The following IGF1 variants were observed in gnomAD, a reference collection of about 807,000 sequenced individuals.
IGF1 encodes insulin like growth factor 1.
Under a neutral mutation model 13.8 loss-of-function variants are expected in IGF1, and 4 were observed. The ratio of observed to expected loss-of-function variants is 0.29; its 90% CI spans 0.14 to 0.66. The LOEUF is 0.66. IGF1 is among the 30% of genes least tolerant of loss of function. The probability of loss-of-function intolerance (pLI) is 0.78; values close to 1 mark genes in which losing one functional copy is unlikely to be tolerated. For synonymous variants in IGF1, 76 were observed against 72.6 expected (o/e 1.05, Z -0.23); for missense variants, 124 against 188.5 (o/e 0.66, Z 2.00).
At position 102,428,236 on chromosome 12, in the gene IGF1, G is replaced by GTATATATATATATATATATATATA. The variant is rs56947594; in HGVS notation, c.221-8547_221-8546insTATATATATATATATATATATATA. 4.1e-3 allele frequency among the ~76,000 whole-genome samples: 285 copies of GTATATATATATATATATATATATA among 69,524 alleles called. 32 individuals carry two copies. Among genetic ancestry groups the GTATATATATATATATATATATATA allele is most frequent in the East Asian group, 0.014 (34 of 2,516 alleles). The allele number at this position is 69,524 out of a possible 152,430, so 45.6% of individuals were successfully genotyped here. On this transcript the variant is annotated intron_variant, in intron 2 of 3. Coordinates refer to ENST00000337514, the MANE Select transcript of IGF1 (RefSeq NM_000618.5). ...CGACCCACTTTGTAATCAATAATGT[G>GTATATATATATATATATATATATA]TATATATATATATGGCATATTAATG... is the stretch of plus-strand genomic sequence containing the variant.
intron 2 of IGF1, among the ~76,000 whole-genome samples, chr12:102,431,216 AAC>A (rs1349019928): frequency 6.6e-6 from 1 of 152,230 alleles, no homozygotes; most frequent in African/African-American, 2.4e-5. Flanking sequence ...ACGTGATTTA[AAC>A]ACAGTGCAGA....
At chr12:102,454,055 A>G (rs1879176232) in intron 2 of IGF1, among the ~76,000 whole-genome samples, 1 of 152,184 alleles carries the variant, frequency 6.6e-6, no homozygotes. Context: ...CTTATCTTGC[A>G]CTGCTCTGCA....
intron 3 of IGF1, among the ~76,000 whole-genome samples, chr12:102,408,270 T>C (rs1169888758): frequency 6.6e-6 from 1 of 152,064 alleles, no homozygotes; most frequent in Non-Finnish European, 1.5e-5. Flanking sequence ...CCTGGGGACA[T>C]GTGAAATGGT....
intron 2 of IGF1, among the ~76,000 whole-genome samples, chr12:102,459,274 C>G (rs912137354): frequency 2.0e-5 from 3 of 152,116 alleles, no homozygotes; most frequent in Non-Finnish European, 4.4e-5. Context: ...TGGACTCACT[C>G]AATTTACATA....
At chr12:102,474,197 A>G (rs1355084986) in intron 2 of IGF1, among the ~76,000 whole-genome samples, 2 of 152,222 alleles carry the variant, frequency 1.3e-5, no homozygotes, top group African/African-American at 4.8e-5. Flanking sequence ...AGGATATTTT[A>G]AAGGTAAAAC....
In IGF1 at chr12:102,397,044, TC is replaced by T; in HGVS notation, c.*5462del. ...GGTAAAACCCCGTCTCTATTAAAAA[TC>T]CAAAAAATTAGCCGGGCATAGTGGT... On this transcript the variant is annotated 3_prime_UTR_variant, in exon 4 of 4. Coordinates refer to ENST00000337514, the MANE Select transcript of IGF1 (RefSeq NM_000618.5). 1 of 377,144 alleles carries T rather than the reference TC, an allele frequency of 2.7e-6. No homozygotes were observed. Among genetic ancestry groups the T allele is most frequent in the Non-Finnish European group, 4.7e-6 (1 of 213,270 alleles). 23.4% of individuals were successfully genotyped at this position (377,144 alleles called of 1,614,324 possible). A position where few individuals can be genotyped will look rare whatever the true frequency, so the allele number is the denominator to read the frequency against.
chr12:102,422,701 GAT>G (rs10557735), intron 2 of IGF1, among the ~76,000 whole-genome samples: 105,733 of 151,774 alleles, frequency 0.7, 37,094 homozygotes, highest in Admixed American at 0.76. Context: ...TCCTATTTGA[GAT>G]AGTTATTTTT....
chr12:102,467,883 T>A (rs1402244394), intron 2 of IGF1, among the ~76,000 whole-genome samples: 1 of 152,208 alleles, frequency 6.6e-6, no homozygotes, highest in Non-Finnish European at 1.5e-5. Flanking sequence ...ACATGTCACT[T>A]CTCTCTGGAT....
intron 2 of IGF1, among the ~76,000 whole-genome samples, chr12:102,440,760 G>A (rs1877645802): frequency 6.6e-6 from 1 of 152,154 alleles, no homozygotes; most frequent in East Asian, 1.9e-4. Context: ...TCTTCAGCAT[G>A]TCAGTTTCCC....
Position 102,480,378 on chromosome 12 carries a change from C to A in IGF1, c.4G>T (p.Gly2Ter). ...TGGGTTGGAAGACTGCTGATTTTTC[C>A]CATTGCTTCTGAAGTACAAAGTCTG... M[G>*]KISSLPTQLF... The change falls in exon 1 of 4, where the codon GGA becomes TGA. Residue 2 changes from glycine to a stop codon, truncating the protein, a stop_gained. Transcript: ENST00000337514. LOFTEE classifies it high-confidence loss of function. 6.2e-7 allele frequency: 1 copy of A among 1,613,550 alleles called. No individual in the cohort carries two copies. Among genetic ancestry groups the A allele is most frequent in the Non-Finnish European group, 8.5e-7 (1 of 1,179,688 alleles).
At chr12:102,434,758 C>T (rs1481108513) in intron 2 of IGF1, among the ~76,000 whole-genome samples, 1 of 151,594 alleles carries the variant, frequency 6.6e-6, no homozygotes, top group Non-Finnish European at 1.5e-5. Context: ...TTTACAGTCC[C>T]ACCAACAGTG....
rs1873303041 is a variant in IGF1, at chr12:102,397,391, T to G, written c.*5116A>C. 1.3e-5 allele frequency: 2 copies of G among 152,174 alleles called. No individual in the cohort carries two copies. The highest frequency in any genetic ancestry group is 1.3e-4 in the Admixed American group (2 of 15,266). 9.4% of individuals were successfully genotyped at this position (152,174 alleles called of 1,614,324 possible). A position where few individuals can be genotyped will look rare whatever the true frequency, so the allele number is the denominator to read the frequency against. On this transcript the variant is annotated 3_prime_UTR_variant, in exon 4 of 4. Transcript: ENST00000337514. ...AAATCCCCTGGGCCTCTGTCTTATC[T>G]GTGAGAGGTTTCTTTAAAAAACAAA...
chr12:102,454,461 G>T (rs1411778265), intron 2 of IGF1, among the ~76,000 whole-genome samples: 4 of 152,166 alleles, frequency 2.6e-5, no homozygotes, highest in African/African-American at 4.8e-5. Context: ...TTCCCTGAAA[G>T]ATAACAGCAA....
intron 2 of IGF1, among the ~76,000 whole-genome samples, chr12:102,424,538 G>T (rs923197519): frequency 1.3e-5 from 2 of 152,098 alleles, no homozygotes; most frequent in Admixed American, 1.3e-4. Flanking sequence ...TTTAGGGCAA[G>T]ATTTTCTCCC....
At chr12:102,441,024 G>A (rs1877664539) in intron 2 of IGF1, among the ~76,000 whole-genome samples, 1 of 151,978 alleles carries the variant, frequency 6.6e-6, no homozygotes, top group African/African-American at 2.4e-5. Context: ...ATTGTGTTGG[G>A]GAATATGCTT....
intron 3 of IGF1, among the ~76,000 whole-genome samples, chr12:102,403,634 T>C (rs1873871083): frequency 1.5e-5 from 2 of 134,712 alleles, no homozygotes; most frequent in South Asian, 4.8e-4. Context: ...TTTTTTTTTT[T>C]TTTTTTTTTT....
At chr12:102,448,048 C>T (rs10860867) in intron 2 of IGF1, among the ~76,000 whole-genome samples, 9,964 of 151,382 alleles carry the variant, frequency 0.066, 660 homozygotes, top group East Asian at 0.27. Flanking sequence ...TATCCAAAAT[C>T]TATAAGGAAC....
At chr12:102,440,618 A>G (rs1347548790) in intron 2 of IGF1, among the ~76,000 whole-genome samples, 1 of 152,176 alleles carries the variant, frequency 6.6e-6, no homozygotes, top group East Asian at 1.9e-4. Context: ...AAATGTAGAT[A>G]GAATGTCTAA....
At chr12:102,434,581 G>C (rs575743991) in intron 2 of IGF1, among the ~76,000 whole-genome samples, 69 of 149,434 alleles carry the variant, frequency 4.6e-4, no homozygotes, top group African/African-American at 1.4e-3. Flanking sequence ...CCAAGTCTTT[G>C]CTATTGTGAA....
Sources: gnomAD v4.1 joint callset for allele counts (sites outside exome capture counted in the v4.1 genomes callset) on GRCh38, gnomAD v4.1.1 for gene constraint, MANE v1.5 for transcripts, NCBI Gene and HGNC (gene_info 2026-07-23, HGNC 2026-07-21) for gene names.